The following BRCA2 variants were observed in gnomAD, a reference collection of about 807,000 sequenced individuals.
BRCA2 encodes BRCA2 DNA repair associated, also known as breast cancer type 2 susceptibility protein.
BRCA2 carries 203 observed loss-of-function variants against 276.7 expected under a neutral mutation model. The observed-to-expected ratio is 0.73, with a 90% confidence interval of 0.65 to 0.82. The LOEUF (loss-of-function observed/expected upper bound fraction) is 0.82, where lower values mean the gene tolerates loss of function less well. Ranked by LOEUF, BRCA2 falls within the 40% of genes least tolerant of loss-of-function variation. The probability of loss-of-function intolerance (pLI) is 0.00; values close to 1 mark genes in which losing one functional copy is unlikely to be tolerated. For synonymous variants in BRCA2, 1,289 were observed against 1,338.4 expected (o/e 0.96, Z 0.81); for missense variants, 3,920 against 3,915.0 (o/e 1.00, Z -0.03).
At chr13:32,355,671 G>T (rs1232089758) in intron 14 of BRCA2, among the ~76,000 whole-genome samples, 1 of 151,932 alleles carries the variant, frequency 6.6e-6, no homozygotes, top group African/African-American at 2.4e-5. Context: ...AGACCAGCCT[G>T]GCCAACATAG....
rs758470769 is a variant in BRCA2, at chr13:32,370,380, AT to A, written c.8332-21del. On this transcript the variant is annotated intron_variant, in intron 18 of 26. Transcript: ENST00000380152. ...GAATACATATTTAACTACTAAATCA[AT>A]ATATTTATTAATTTGTCCAGATTTC... 1.9e-6 allele frequency: 3 copies of A among 1,603,716 alleles called. No homozygotes were observed. The Admixed American group carries it at 5.0e-5, about 27-fold the overall frequency.
chr13:32,388,071 A>G (rs1444003722), intron 24 of BRCA2, among the ~76,000 whole-genome samples: 1 of 151,236 alleles, frequency 6.6e-6, no homozygotes, highest in African/African-American at 2.4e-5. Flanking sequence ...TCCGCACACG[A>G]GAACACCCGC....
intron 18 of BRCA2, among the ~76,000 whole-genome samples, chr13:32,368,786 T>G (rs1355864761): frequency 1.1e-4 from 14 of 129,840 alleles, no homozygotes; most frequent in South Asian, 5.3e-4. Flanking sequence ...GTTGTTTGTT[T>G]TTTGTTTTTT....
rs80359215 is a variant in BRCA2 at position 32,394,833 on chromosome 13, G to A, written c.9401G>A (p.Gly3134Asp). The A allele has an allele frequency of 6.2e-7, 1 of 1,613,906 alleles. No homozygotes were observed. The highest frequency in any genetic ancestry group is 1.7e-5 in the Admixed American group (1 of 59,990). ...NLQWRPESKSGLLTLFAGDFS... is the reference protein window; with the variant it reads ...NLQWRPESKSDLLTLFAGDFS... ...CAGTGGCGACCAGAATCCAAATCAG[G>A]CCTTCTTACTTTATTTGCTGGAGAT... Residue 3134 changes from glycine to aspartate, a missense_variant, in exon 25 of 27, where the codon GGC (glycine) becomes GAC (aspartate). By Grantham distance (94) the Gly-to-Asp change is moderately conservative. This residue lies in a region of BRCA2 where 657 missense variants were observed against 758.2 expected (regional missense o/e 0.87). Coordinates refer to ENST00000380152, the MANE Select transcript of BRCA2 (RefSeq NM_000059.4).
rs531696384 is a variant in BRCA2, at chr13:32,334,381, T to C, written c.1909+994T>C. Among the ~76,000 whole-genome samples, 3 of 152,214 alleles carry C rather than the reference T, an allele frequency of 2.0e-5. No homozygotes were observed. The South Asian group carries it at 6.2e-4, about 32-fold the overall frequency. On this transcript the variant is annotated intron_variant, in intron 10 of 26. Transcript: ENST00000380152. ...CTTACTATGTATTTTCTCTAAAGCATGTTAAAAAAATAGGCTAGATATAGT... is the reference window on the plus strand; with the variant it reads ...CTTACTATGTATTTTCTCTAAAGCACGTTAAAAAAATAGGCTAGATATAGT...
chr13:32,340,300 G>A lies in BRCA2; in HGVS notation c.5945G>A (p.Ser1982Asn), dbSNP rs28897738. 1 of 1,613,996 alleles carries A rather than the reference G, an allele frequency of 6.2e-7. No individual in the cohort carries two copies. Among genetic ancestry groups the A allele is most frequent in the South Asian group, 1.1e-5 (1 of 91,082 alleles). The change falls in exon 11 of 27, where the codon AGT becomes AAT. Residue 1982 changes from serine (S) to asparagine (N), a missense_variant. Ser to Asn is a conservative substitution (Grantham distance 46, BLOSUM62 1). Transcript: ENST00000380152. ...ANTCGIFSTA[S>N]GKSVQVSDAS... Reference sequence around the variant, plus strand: ...ACTTGTGGGATTTTTAGCACAGCAAGTGGAAAATCTGTCCAGGTATCAGAT... The same window carrying A: ...ACTTGTGGGATTTTTAGCACAGCAAATGGAAAATCTGTCCAGGTATCAGAT...
chr13:32,325,537 A>AT (rs932880258), intron 4 of BRCA2, among the ~76,000 whole-genome samples: 43 of 146,740 alleles, frequency 2.9e-4, no homozygotes, highest in South Asian at 1.3e-3. Flanking sequence ...TACTTTACAA[A>AT]TTTTTTTTTT....
Position 32,319,204 on chromosome 13 carries a change from A to G in BRCA2, c.195A>G (p.Pro65=), listed in dbSNP as rs1131692135. Residue 65 remains proline (P), a synonymous_variant, in exon 3 of 27, where the codon CCA becomes CCG. Coordinates refer to ENST00000380152, the MANE Select transcript of BRCA2 (RefSeq NM_000059.4). ...ACGAACCAAACCTATTTAAAACTCCACAAAGGAAACCATCTTATAATCAGC... is the reference window on the plus strand; with the variant it reads ...ACGAACCAAACCTATTTAAAACTCCGCAAAGGAAACCATCTTATAATCAGC... The part of the protein sequence containing the change: ...NNYEPNLFKT[P]QRKPSYNQLA... 1 of 1,613,924 alleles carries G rather than the reference A, an allele frequency of 6.2e-7. No individual in the cohort carries two copies. The highest frequency in any genetic ancestry group is 1.3e-5 in the African/African-American group (1 of 74,938).
At chr13:32,345,488 A>G (rs1198895095) in intron 12 of BRCA2, among the ~76,000 whole-genome samples, 2 of 152,054 alleles carry the variant, frequency 1.3e-5, no homozygotes, top group African/African-American at 4.8e-5. Context: ...ATATATACAT[A>G]ATAATCTAAA....
chr13:32,395,980 T>TTTTTTTTTTTTTTTTTTTC (rs2073034340), intron 25 of BRCA2: 1 of 262,586 alleles, frequency 3.8e-6, no homozygotes, highest in Non-Finnish European at 7.2e-6. Context: ...TTTTTTTTTT[T>TTTTTTTTTTTTTTTTTTTC]TTTTTTTTAG....
rs80359659 is a variant in BRCA2 at position 32,330,986 on chromosome 13, TGACA to T, written c.755_758del (p.Asp252ValfsTer24). On this transcript the variant is annotated frameshift_variant, in exon 9 of 27. Transcript: ENST00000380152. LOFTEE classifies it high-confidence loss of function. Reference sequence around the variant, plus strand: ...AAAAATGATAGATTTATCGCTTCTGTGACAGACAGTGAAAACACAAATCAAAGAG... The same window carrying T: ...AAAAATGATAGATTTATCGCTTCTGTGACAGTGAAAACACAAATCAAAGAG... 1.6e-5 allele frequency: 26 copies of T among 1,613,472 alleles called. No homozygotes were observed. Among genetic ancestry groups the T allele is most frequent in the East Asian group, 2.2e-5 (1 of 44,888 alleles).
In BRCA2 at chr13:32,363,389, G is replaced by A. The variant is rs80359065; in HGVS notation, c.8187G>A (p.Lys2729=). The stretch of plus-strand genomic sequence containing the variant: ...TTACAGATGGGTGGTATGCTGTTAA[G>A]GCCCAGTTAGATCCTCCCCTCTTAG... ...IELTDGWYAV[K]AQLDPPLLAV... is the part of the protein sequence containing the mutation. The change falls in exon 18 of 27, where the codon AAG becomes AAA. Residue 2729 remains lysine (K), a synonymous_variant. Coordinates refer to ENST00000380152, the MANE Select transcript of BRCA2 (RefSeq NM_000059.4). The A allele has an allele frequency of 6.2e-7, 1 of 1,614,138 alleles. No homozygotes were observed. The highest frequency in any genetic ancestry group is 8.5e-7 in the Non-Finnish European group (1 of 1,180,018).
At chr13:32,315,737 C>G (rs1593879916) in intron 1 of BRCA2, 70 bp downstream of exon 1, 1 of 153,306 alleles carries the variant, frequency 6.5e-6, no homozygotes, top group East Asian at 1.9e-4. Context: ...GGCGGGGGAG[C>G]GCCTCACGCC....
rs2137447215 is a variant in BRCA2, at chr13:32,325,206, A to G, written c.425+22A>G. 1.4e-6 allele frequency: 2 copies of G among 1,435,102 alleles called. No homozygotes were observed. Among genetic ancestry groups the G allele is most frequent in the Non-Finnish European group, 1.9e-6 (2 of 1,029,974 alleles). The allele number at this position is 1,435,102 out of a possible 1,614,324, so 88.9% of individuals were successfully genotyped here. On this transcript the variant is annotated intron_variant, in intron 4 of 26. Transcript: ENST00000380152. ...AAAGGTATGATGAAGCTATTATATT[A>G]AAATATTTAAATGAAACATTTTCCT...
intron 18 of BRCA2, among the ~76,000 whole-genome samples, chr13:32,367,584 C>T (rs902598942): frequency 1.0e-5 from 1 of 96,836 alleles, no homozygotes; most frequent in Non-Finnish European, 2.3e-5. Flanking sequence ...TGGGCATACT[C>T]AGGAGTATGA....
At chr13:32,353,370 C>G in intron 13 of BRCA2, among the ~76,000 whole-genome samples, 1 of 152,188 alleles carries the variant, frequency 6.6e-6, no homozygotes. Flanking sequence ...ACAGTGAATT[C>G]TCAACAAAGA....
At position 32,398,604 on chromosome 13, in the gene BRCA2, C is replaced by T. The variant is rs2137666483; in HGVS notation, c.10091C>T (p.Ser3364Phe). Residue 3364 changes from serine (S) to phenylalanine (F), a missense_variant, in exon 27 of 27, where the codon TCT (serine) becomes TTT (phenylalanine). This residue lies in a region of BRCA2 where 657 missense variants were observed against 758.2 expected (regional missense o/e 0.87). Coordinates refer to ENST00000380152, the MANE Select transcript of BRCA2 (RefSeq NM_000059.4). ...TCAACAGGAGAAAAACAATTTATAT[C>T]TGTCAGTGAATCCACTAGGACTGCT... ...SGSTGEKQFI[S>F]VSESTRTAPT... is the part of the protein sequence containing the mutation. 6.2e-7 allele frequency: 1 copy of T among 1,613,888 alleles called. No individual in the cohort carries two copies. The highest frequency in any genetic ancestry group is 8.5e-7 in the Non-Finnish European group (1 of 1,179,744).
chr13:32,350,982 C>A (rs78201812), intron 13 of BRCA2, among the ~76,000 whole-genome samples: 1 of 152,130 alleles, frequency 6.6e-6, no homozygotes, highest in Non-Finnish European at 1.5e-5. Context: ...GTAAACGCAC[C>A]GGTCAGCACT....
chr13:32,375,940 G>T (rs1263708751), intron 20 of BRCA2, among the ~76,000 whole-genome samples: 1 of 152,130 alleles, frequency 6.6e-6, no homozygotes, highest in Non-Finnish European at 1.5e-5. Context: ...ATTGTGTTAG[G>T]AGTCATGAAA....
Sources: gnomAD v4.1 joint callset for allele counts (sites outside exome capture counted in the v4.1 genomes callset) on GRCh38, gnomAD v4.1.1 for gene constraint, gnomAD v4.1.1 regional missense constraint, MANE v1.5 for transcripts, NCBI Gene and HGNC (gene_info 2026-07-23, HGNC 2026-07-21) for gene names.